Variants in CLPTM1L observed in about 807,000 individuals in gnomAD.
CLPTM1L encodes the protein lipid scramblase CLPTM1L.
CLPTM1L carries 38 observed loss-of-function variants against 70.9 expected under a neutral mutation model. The observed-to-expected ratio is 0.54, with a 90% CI of 0.41 to 0.70. The LOEUF (loss-of-function observed/expected upper bound fraction) is 0.70, where lower values mean the gene tolerates loss of function less well. Ranked by LOEUF, CLPTM1L falls within the 30% of genes least tolerant of loss-of-function variation. The pLI, the probability that CLPTM1L is intolerant of heterozygous loss-of-function variation, is 0.00. For synonymous variants in CLPTM1L, 339 were observed against 299.9 expected (o/e 1.13, Z -1.35); for missense variants, 652 against 705.9 (o/e 0.92, Z 0.87).
In CLPTM1L at chr5:1,321,825, G is replaced by A. The variant is rs781428684; in HGVS notation, c.1316-6C>T. ...GAAACCAAAGGCATAGACCCCTGCA[G>A]AAAGACAGACAGCACTCACGAGGTG... On this transcript the variant is annotated splice_region_variant and splice_polypyrimidine_tract_variant and intron_variant, in intron 13 of 16. Transcript: ENST00000320895. The A allele has an allele frequency of 1.4e-5, 22 of 1,613,184 alleles. No individual in the cohort carries two copies. Among genetic ancestry groups the A allele is most frequent in the Non-Finnish European group, 1.8e-5 (21 of 1,179,596 alleles).
At chr5:1,344,648 C>A in intron 1 of CLPTM1L, 32 bp downstream of exon 1, 1 of 1,541,718 alleles carries the variant, frequency 6.5e-7, no homozygotes, top group Non-Finnish European at 8.8e-7. Context: ...CCCACCCCAA[C>A]CCGCCCGGCC....
chr5:1,344,513 C>A (rs1340679644), intron 1 of CLPTM1L, 62 bp from the exon 2 acceptor site: 6 of 1,526,806 alleles, frequency 3.9e-6, no homozygotes, highest in Non-Finnish European at 5.4e-6. Flanking sequence ...CACTCAAATC[C>A]CACGGCCAGC....
At position 1,318,204 on chromosome 5, in the gene CLPTM1L, C is replaced by T; in HGVS notation, c.*165G>A. ...ACACGTGGGGGCATCGTAAGCGCTA[C>T]CAGCTCCAAATCTGACGTGATGGGA... On this transcript the variant is annotated 3_prime_UTR_variant, in exon 17 of 17. Coordinates refer to ENST00000320895, the MANE Select transcript of CLPTM1L (RefSeq NM_030782.5). This position sits in a 1 kb window ranked among gnomAD's most constrained non-coding sequence, Gnocchi z 8.9. 1.6e-6 allele frequency: 1 copy of T among 622,154 alleles called. No individual in the cohort carries two copies. The highest frequency in any genetic ancestry group is 2.9e-6 in the Non-Finnish European group (1 of 350,208). The allele number at this position is 622,154 out of a possible 1,614,324, so 38.5% of individuals were successfully genotyped here.
chr5:1,333,236 C>A (rs1463571101), intron 7 of CLPTM1L, among the ~76,000 whole-genome samples: 2 of 51,958 alleles, frequency 3.8e-5, no homozygotes, highest in Non-Finnish European at 6.6e-5. Context: ...TAAGGGGGGA[C>A]TACTGTATAC....
rs571309178 is a variant in CLPTM1L, at chr5:1,336,670, T to C, written c.678+1234A>G. Among the ~76,000 whole-genome samples the C allele has an allele frequency of 9.9e-4, 150 of 151,982 alleles. 1 individual carries two copies. The highest frequency in any genetic ancestry group is 3.4e-3 in the African/African-American group (140 of 41,444). ...AAACTCCAGCAAACAGAGAAAGAGG[T>C]TGGAATTGCAGGGGCCGACAGAGAA... is the stretch of plus-strand genomic sequence containing the variant. On this transcript the variant is annotated intron_variant, in intron 5 of 16. Coordinates refer to ENST00000320895, the MANE Select transcript of CLPTM1L (RefSeq NM_030782.5).
At position 1,334,277 on chromosome 5, in the gene CLPTM1L, T is replaced by C; in HGVS notation, c.891+12A>G. 6.2e-7 allele frequency: 1 copy of C among 1,609,530 alleles called. No homozygotes were observed. The highest frequency in any genetic ancestry group is 8.5e-7 in the Non-Finnish European group (1 of 1,176,374). Reference sequence around the variant, plus strand: ...CAAGTGCCTGCGGCAAGCCCCCCGGTGGATGACTCACATGGAACGCTGCGA... The same window carrying C: ...CAAGTGCCTGCGGCAAGCCCCCCGGCGGATGACTCACATGGAACGCTGCGA... On this transcript the variant is annotated intron_variant, in intron 7 of 16. Transcript: ENST00000320895.
At chr5:1,339,238 C>G (rs183041005) in intron 3 of CLPTM1L, among the ~76,000 whole-genome samples, 14 of 136,526 alleles carry the variant, frequency 1.0e-4, no homozygotes, top group Non-Finnish European at 1.7e-4. Context: ...CACAGACGGG[C>G]AAACTGTGCC....
intron 3 of CLPTM1L, among the ~76,000 whole-genome samples, chr5:1,341,249 A>C (rs549080717): frequency 6.6e-6 from 1 of 152,328 alleles, no homozygotes; most frequent in Admixed American, 6.5e-5. Context: ...CTCCAATTAC[A>C]TTCTTAGAAT....
Position 1,330,260 on chromosome 5 carries a change from G to T in CLPTM1L, c.1080+20C>A. ...AGGCACATGGACCTCAGACAGTTCA[G>T]GTCACTGCCCGGAACTCACCTCAAT... On this transcript the variant is annotated intron_variant, in intron 9 of 16. Transcript: ENST00000320895. The T allele has an allele frequency of 1.2e-6, 2 of 1,606,460 alleles. No individual in the cohort carries two copies. Among genetic ancestry groups the T allele is most frequent in the Non-Finnish European group, 1.7e-6 (2 of 1,174,264 alleles).
At chr5:1,332,146 G>C (rs1466356102) in intron 7 of CLPTM1L, 1 of 476,442 alleles carries the variant, frequency 2.1e-6, no homozygotes, top group Non-Finnish European at 3.8e-6. Context: ...AGGCCCCCAG[G>C]CAATTGGAGG....
At chr5:1,325,646 G>C in intron 10 of CLPTM1L, 105 bp downstream of exon 10, 1 of 888,806 alleles carries the variant, frequency 1.1e-6, no homozygotes, top group South Asian at 1.5e-5. Flanking sequence ...CCTGACAGAG[G>C]CCCGCAGTGA....
At chr5:1,333,449 C>T (rs1753290629) in intron 7 of CLPTM1L, among the ~76,000 whole-genome samples, 1 of 141,122 alleles carries the variant, frequency 7.1e-6, no homozygotes, top group African/African-American at 2.7e-5. Context: ...CTACTGTATA[C>T]ACATTGGATG....
intron 9 of CLPTM1L, among the ~76,000 whole-genome samples, chr5:1,326,712 CCAGCTCCTCCTCTACGGGGACATTT>C: frequency 6.6e-6 from 1 of 151,784 alleles, no homozygotes; most frequent in African/African-American, 2.4e-5. Flanking sequence ...GACATTCCAT[CCAGCTCCTCCTCTACGGGGACATTT>C]CATCCAGCTC....
Position 1,328,315 on chromosome 5 carries a change from A to C in CLPTM1L, c.1080+1965T>G, listed in dbSNP as rs79575833. Reference sequence around the variant, plus strand: ...TCTACAGGATACATTTCATCCAGCTACTCCTCTACGGACACATTTCATCCA... The same window carrying C: ...TCTACAGGATACATTTCATCCAGCTCCTCCTCTACGGACACATTTCATCCA... On this transcript the variant is annotated intron_variant, in intron 9 of 16. Coordinates refer to ENST00000320895, the MANE Select transcript of CLPTM1L (RefSeq NM_030782.5). 1.1e-3 allele frequency among the ~76,000 whole-genome samples: 114 copies of C among 106,566 alleles called. 2 individuals carry two copies. The highest frequency in any genetic ancestry group is 2.8e-3 in the African/African-American group (65 of 23,632). 69.9% of individuals were successfully genotyped at this position (106,566 alleles called of 152,430 possible).
chr5:1,318,571 T>C lies in CLPTM1L; in HGVS notation c.1533-118A>G. 1 of 794,794 alleles carries C rather than the reference T, an allele frequency of 1.3e-6. No individual in the cohort carries two copies. Among genetic ancestry groups the C allele is most frequent in the South Asian group, 1.7e-5 (1 of 59,876 alleles). The allele number at this position is 794,794 out of a possible 1,614,324, so 49.2% of individuals were successfully genotyped here. On this transcript the variant is annotated intron_variant, in intron 16 of 16. Coordinates refer to ENST00000320895, the MANE Select transcript of CLPTM1L (RefSeq NM_030782.5). This position sits in a 1 kb window ranked among gnomAD's most constrained non-coding sequence, Gnocchi z 8.9. ...GAGCTGCCACAGTGAGCAAATTAAC[T>C]AAAAAGTCGAATCCTCAGAAGTTTT...
At chr5:1,324,401 A>C (rs1471060190) in intron 11 of CLPTM1L, among the ~76,000 whole-genome samples, 9 of 152,260 alleles carry the variant, frequency 5.9e-5, no homozygotes, top group Admixed American at 5.2e-4. Flanking sequence ...CCTCCAGGCC[A>C]CTGTGCGGCC....
At chr5:1,326,960 GGACACATTCCATCCAGCTCCTCCTCC>G (rs1752625135) in intron 9 of CLPTM1L, among the ~76,000 whole-genome samples, 1 of 72,536 alleles carries the variant, frequency 1.4e-5, no homozygotes, top group Non-Finnish European at 2.8e-5. Flanking sequence ...CCTCCTCTAC[GGACACATTCCATCCAGCTCCTCCTCC>G]ACAGGGACAT....
In CLPTM1L at chr5:1,342,864, T is replaced by C. The variant is rs757610297; in HGVS notation, c.264-1004A>G. Among the ~76,000 whole-genome samples, 2 of 152,242 alleles carry C rather than the reference T, an allele frequency of 1.3e-5. No homozygotes were observed. The highest frequency in any genetic ancestry group is 2.9e-5 in the Non-Finnish European group (2 of 68,028). ...TTGGCCTCCCAAACTGCTGGGATTA[T>C]AGGCATGAGTCACTGTGCCCGGCCT... On this transcript the variant is annotated intron_variant, in intron 2 of 16. Coordinates refer to ENST00000320895, the MANE Select transcript of CLPTM1L (RefSeq NM_030782.5). This position sits in a 1 kb window ranked among gnomAD's most constrained non-coding sequence, Gnocchi z 4.3.
At chr5:1,324,647 C>A (rs1057332339) in intron 11 of CLPTM1L, 116 bp downstream of exon 11, 4 of 1,018,598 alleles carry the variant, frequency 3.9e-6, no homozygotes, top group Non-Finnish European at 6.1e-6. Flanking sequence ...CTGCTCAAGG[C>A]GGGCTGACCC....
Sources: allele counts gnomAD v4.1 joint callset (sites outside exome capture counted in the v4.1 genomes callset), GRCh38; gene constraint gnomAD v4.1.1; non-coding constraint Gnocchi (gnomAD v3.1); transcripts MANE v1.5; gene names NCBI Gene and HGNC (gene_info 2026-07-23, HGNC 2026-07-21).